Variants in MAP4 observed in about 807,000 individuals in gnomAD.
MAP4 encodes microtubule associated protein 4, also known as microtubule-associated protein 4.
In MAP4, 76 loss-of-function variants were observed where a neutral mutation model predicts 170.2. That is an observed-to-expected ratio of 0.45 (90% CI 0.37 to 0.54). The LOEUF is 0.54. MAP4 is among the 20% of genes least tolerant of loss of function. The pLI is 0.00. For synonymous variants in MAP4, 909 were observed against 994.5 expected (o/e 0.91, Z 1.62); for missense variants, 2,506 against 2,748.0 (o/e 0.91, Z 1.97).
At chr3:47,984,431 G>C (rs925938449) in intron 2 of MAP4, among the ~76,000 whole-genome samples, 1 of 152,206 alleles carries the variant, frequency 6.6e-6, no homozygotes, top group South Asian at 2.1e-4. Context: ...TATTTGCTTA[G>C]ATACTAAAAT....
rs539239147 is a variant in MAP4, at chr3:47,910,058, C to T, written c.4363G>A (p.Asp1455Asn). The T allele has an allele frequency of 9.9e-6, 16 of 1,613,978 alleles. No individual in the cohort carries two copies. Among genetic ancestry groups the T allele is most frequent in the South Asian group, 8.8e-5 (8 of 91,080 alleles). Residue 1455 changes from aspartate to asparagine, a missense_variant, in exon 9 of 21, where the codon GAT (aspartate) becomes AAT (asparagine). By Grantham distance (23) the Asp-to-Asn change is conservative (BLOSUM62 1). Coordinates refer to ENST00000683076, the MANE Select transcript of MAP4 (RefSeq NM_001385682.1). Reference sequence around the variant, plus strand: ...TTTGCCAAGGTATCTGGAAAGGAATCACCTTCCTTTACTACTTGAGGAGTA... The same window carrying T: ...TTTGCCAAGGTATCTGGAAAGGAATTACCTTCCTTTACTACTTGAGGAGTA... Reference protein sequence around the residue: ...TPTPQVVKEGDSFPDTLAKNG... With the variant: ...TPTPQVVKEGNSFPDTLAKNG...
At chr3:47,928,463 C>T in intron 3 of MAP4, 113 bp from the exon 4 acceptor site, 1 of 1,098,632 alleles carries the variant, frequency 9.1e-7, no homozygotes, top group Non-Finnish European at 1.3e-6. Flanking sequence ...TCCTATCTAG[C>T]TAGTGTCTTA....
intron 10 of MAP4, chr3:47,892,132 G>A: frequency 6.5e-7 from 1 of 1,536,160 alleles, no homozygotes; most frequent in Non-Finnish European, 8.7e-7. Flanking sequence ...GGTGTACCGA[G>A]TTCCCCTCCA....
chr3:48,044,959 AT>A lies in MAP4; in HGVS notation c.-20+43813del, dbSNP rs1333471032. On this transcript the variant is annotated intron_variant, in intron 1 of 18. Transcript: ENST00000360240. The stretch of plus-strand genomic sequence containing the variant: ...GCAAGATCCTATCTCAAAAAAAAGA[AT>A]TTTTTTTTTGTTGAGGCCAGGCACA... Among the ~76,000 whole-genome samples, 165 of 145,594 alleles carry A rather than the reference AT, an allele frequency of 1.1e-3. 1 individual carries two copies. The highest frequency in any genetic ancestry group is 1.7e-3 in the South Asian group (8 of 4,572).
rs191862792 is a variant in MAP4, at chr3:48,030,472, C to T, written c.-19-31593G>A. On this transcript the variant is annotated intron_variant, in intron 1 of 18. Coordinates refer to the MAP4 transcript ENST00000360240. Reference sequence around the variant, plus strand: ...TGTATTTCCAGAAAGTTAGGAAGTGCTAAAAATAAAAATAAAAAAAAAAAA... The same window carrying T: ...TGTATTTCCAGAAAGTTAGGAAGTGTTAAAAATAAAAATAAAAAAAAAAAA... Among the ~76,000 whole-genome samples, 380 of 108,692 alleles carry T rather than the reference C, an allele frequency of 3.5e-3. 3 individuals are homozygous for T. The highest frequency in any genetic ancestry group is 0.011 in the African/African-American group (367 of 33,348). 71.3% of individuals were successfully genotyped at this position (108,692 alleles called of 152,430 possible).
chr3:48,047,636 G>C (rs1390638124), intron 1 of MAP4, among the ~76,000 whole-genome samples: 1 of 152,190 alleles, frequency 6.6e-6, no homozygotes, highest in Non-Finnish European at 1.5e-5. Flanking sequence ...AATAGTCCAA[G>C]AGGGAAAGAA....
At chr3:47,886,263 G>A (rs958057630) in intron 10 of MAP4, among the ~76,000 whole-genome samples, 1 of 152,150 alleles carries the variant, frequency 6.6e-6, no homozygotes, top group East Asian at 1.9e-4. Flanking sequence ...TTCTCACCAA[G>A]CCCTTTCCCT....
At position 47,916,795 on chromosome 3, in the gene MAP4, T is replaced by C. The variant is rs1310472442; in HGVS notation, c.1032A>G (p.Pro344=). ...CTTTCAACAGTGTCACATCCTTGGC[T>C]GGGGCTACCTCTGTTTCTGTGGGCA... The part of the protein sequence containing the change: ...VVLPTETEVA[P]AKDVTLLKET... Residue 344 remains proline, a synonymous_variant, in exon 7 of 21, where the codon CCA becomes CCG. Transcript: ENST00000683076. 2 of 1,614,080 alleles carry C rather than the reference T, an allele frequency of 1.2e-6. No individual in the cohort carries two copies. Among genetic ancestry groups the C allele is most frequent in the Non-Finnish European group, 1.7e-6 (2 of 1,180,040 alleles).
At chr3:48,044,096 A>G (rs980108690) in intron 1 of MAP4, among the ~76,000 whole-genome samples, 2 of 151,324 alleles carry the variant, frequency 1.3e-5, no homozygotes, top group Non-Finnish European at 2.9e-5. Context: ...TGCCCACCTA[A>G]GCCTCCCAAA....
intron 2 of MAP4, among the ~76,000 whole-genome samples, chr3:47,992,617 A>G (rs891403205): frequency 6.6e-6 from 1 of 152,108 alleles, no homozygotes; most frequent in Non-Finnish European, 1.5e-5. Context: ...TAAACATGGT[A>G]TCTTCAACAA....
intron 3 of MAP4, chr3:47,973,765 C>A (rs1226751601): frequency 3.0e-6 from 3 of 985,228 alleles, no homozygotes. Context: ...ATAACTACTA[C>A]CAGTTTTGAA....
intron 3 of MAP4, among the ~76,000 whole-genome samples, chr3:47,962,192 ACACCGATTCTGGG>A: frequency 6.6e-6 from 1 of 152,332 alleles, no homozygotes; most frequent in African/African-American, 2.4e-5. Flanking sequence ...CAGCTCACAG[ACACCGATTCTGGG>A]CACACTGCCT....
chr3:47,887,247 CG>C (rs1455269260), intron 10 of MAP4, among the ~76,000 whole-genome samples: 2 of 152,216 alleles, frequency 1.3e-5, no homozygotes, highest in Admixed American at 1.3e-4. Context: ...GCAGCACTTG[CG>C]GGTCAGCTGG....
At chr3:47,990,781 A>G (rs2100091680) in intron 2 of MAP4, among the ~76,000 whole-genome samples, 1 of 152,142 alleles carries the variant, frequency 6.6e-6, no homozygotes, top group South Asian at 2.1e-4. Flanking sequence ...CTGATAATGA[A>G]CAATTAAGGA....
chr3:47,930,797 A>C (rs1019919775), intron 3 of MAP4, among the ~76,000 whole-genome samples: 3 of 150,864 alleles, frequency 2.0e-5, no homozygotes, highest in South Asian at 2.1e-4. Context: ...GGCATGGTGG[A>C]GGATGCCTGT....
rs1235509286 is a variant in MAP4 at position 47,909,029 on chromosome 3, G to A, written c.5383+9C>T. On this transcript the variant is annotated intron_variant, in intron 9 of 20. Transcript: ENST00000683076. ...CAAGCACACACATTTCCCCATGGCAGGTTCATACCAGCGGACTTCAGTTGC... is the reference window on the plus strand; with the variant it reads ...CAAGCACACACATTTCCCCATGGCAAGTTCATACCAGCGGACTTCAGTTGC... 31 of 1,605,924 alleles carry A rather than the reference G, an allele frequency of 1.9e-5. No homozygotes were observed. Among genetic ancestry groups the A allele is most frequent in the Non-Finnish European group, 2.6e-5 (30 of 1,176,090 alleles).
chr3:48,007,665 T>C (rs2154414955), intron 1 of MAP4, among the ~76,000 whole-genome samples: 2 of 137,398 alleles, frequency 1.5e-5, no homozygotes, highest in South Asian at 4.7e-4. Context: ...CTTCTACAGA[T>C]AACTACTCTC....
In MAP4 at chr3:47,998,881, T is replaced by C; in HGVS notation, c.-19-2A>G. ...GCCATTCTGCACCACTGCAACTGCC[T>C]GGTGAAGAGGAAAAAGATCTTTCAT... On this transcript the variant is annotated splice_acceptor_variant, in intron 1 of 20. Coordinates refer to ENST00000683076, the MANE Select transcript of MAP4 (RefSeq NM_001385682.1). LOFTEE classifies it low-confidence loss of function (5UTR_SPLICE). 1 of 1,536,308 alleles carries C rather than the reference T, an allele frequency of 6.5e-7. No homozygotes were observed. The highest frequency in any genetic ancestry group is 9.0e-7 in the Non-Finnish European group (1 of 1,109,514).
At chr3:47,989,005 T>G (rs889127073) in intron 2 of MAP4, among the ~76,000 whole-genome samples, 2 of 152,138 alleles carry the variant, frequency 1.3e-5, no homozygotes, top group South Asian at 4.1e-4. Flanking sequence ...AGAGATGAGA[T>G]TTCACCATGT....
Sources: gnomAD v4.1 joint callset for allele counts (sites outside exome capture counted in the v4.1 genomes callset) on GRCh38, gnomAD v4.1.1 for gene constraint, MANE v1.5 for transcripts, NCBI Gene and HGNC (gene_info 2026-07-23, HGNC 2026-07-21) for gene names.